Variants in TNIP3 observed in about 807,000 individuals in gnomAD.
TNIP3 encodes the protein TNFAIP3 interacting protein 3.
In TNIP3, 34 loss-of-function variants were observed where a neutral mutation model predicts 54.1. The observed-to-expected ratio is 0.63, with a 90% CI of 0.48 to 0.84. The LOEUF is 0.84. Among genes scored for constraint, TNIP3 ranks in the 40% least tolerant of loss-of-function variants. The probability of loss-of-function intolerance (pLI) is 0.00; values close to 1 mark genes in which losing one functional copy is unlikely to be tolerated. For synonymous variants in TNIP3, 134 were observed against 136.8 expected (o/e 0.98, Z 0.14); for missense variants, 366 against 387.6 (o/e 0.94, Z 0.47).
Position 121,147,189 on chromosome 4 carries a change from C to T in TNIP3, c.610-15G>A. On this transcript the variant is annotated splice_polypyrimidine_tract_variant and intron_variant, in intron 6 of 10. Coordinates refer to ENST00000057513, the MANE Select transcript of TNIP3 (RefSeq NM_024873.6). ...TATATTTGCACCTAAGAAATATTAG[C>T]TTGCTGTTACTGTAAGCTTCCTTTT... 2 of 1,600,084 alleles carry T rather than the reference C, an allele frequency of 1.2e-6. No homozygotes were observed. Among genetic ancestry groups the T allele is most frequent in the Non-Finnish European group, 1.7e-6 (2 of 1,175,238 alleles).
intron 10 of TNIP3, among the ~76,000 whole-genome samples, chr4:121,137,156 C>T (rs1441377391): frequency 6.6e-6 from 1 of 152,118 alleles, no homozygotes; most frequent in African/African-American, 2.4e-5. Context: ...TATGGTATTA[C>T]TAAATTCTGT....
intron 3 of TNIP3, among the ~76,000 whole-genome samples, chr4:121,180,546 G>T (rs1724632168): frequency 6.6e-6 from 1 of 152,234 alleles, no homozygotes; most frequent in African/African-American, 2.4e-5. Context: ...TATTAATGGT[G>T]TGATAGCAGA....
intron 2 of TNIP3, among the ~76,000 whole-genome samples, chr4:121,210,225 A>G (rs1449626831): frequency 1.3e-5 from 2 of 151,194 alleles, no homozygotes; most frequent in African/African-American, 4.9e-5. Flanking sequence ...AATGAATTAT[A>G]ATTTATAATA....
At chr4:121,225,967 A>G (rs1727238592) in intron 1 of TNIP3, among the ~76,000 whole-genome samples, 1 of 152,122 alleles carries the variant, frequency 6.6e-6, no homozygotes, top group African/African-American at 2.4e-5. Flanking sequence ...AAAAATTATT[A>G]TTTCTTCCTC....
chr4:121,135,233 A>G (rs1219903188), intron 10 of TNIP3, among the ~76,000 whole-genome samples: 1 of 152,218 alleles, frequency 6.6e-6, no homozygotes, highest in Non-Finnish European at 1.5e-5. Flanking sequence ...AACAGTTTCT[A>G]TGCTTGATTC....
intron 1 of TNIP3, among the ~76,000 whole-genome samples, chr4:121,221,652 C>G (rs982619993): frequency 2.6e-5 from 4 of 152,302 alleles, no homozygotes; most frequent in Non-Finnish European, 4.4e-5. Flanking sequence ...ACACACCACT[C>G]TCATTTACAG....
intron 3 of TNIP3, among the ~76,000 whole-genome samples, chr4:121,175,147 T>C (rs894661833): frequency 1.2e-4 from 18 of 152,344 alleles, no homozygotes; most frequent in African/African-American, 2.6e-4. Context: ...TGAGTTTACA[T>C]ATTTCTTAAC....
At chr4:121,153,715 T>A (rs1213252442) in intron 5 of TNIP3, among the ~76,000 whole-genome samples, 1 of 152,200 alleles carries the variant, frequency 6.6e-6, no homozygotes. Context: ...AAATAACATC[T>A]CTGAACACCA....
intron 2 of TNIP3, among the ~76,000 whole-genome samples, chr4:121,194,170 G>A (rs982858607): frequency 1.2e-4 from 19 of 152,014 alleles, no homozygotes; most frequent in Middle Eastern, 6.8e-3. Context: ...TTAAGGATAC[G>A]CATACTAAAT....
chr4:121,159,764 C>T (rs915425059), intron 2 of TNIP3, among the ~76,000 whole-genome samples: 2 of 152,194 alleles, frequency 1.3e-5, no homozygotes, highest in South Asian at 2.1e-4. Flanking sequence ...AATTAGAAGG[C>T]AGAAGAAGTG....
chr4:121,145,979 TAA>T (rs546016749), intron 7 of TNIP3, among the ~76,000 whole-genome samples: 3 of 137,404 alleles, frequency 2.2e-5, no homozygotes, highest in Non-Finnish European at 4.8e-5. Flanking sequence ...CACCATCTCA[TAA>T]AAAAAAAAAG....
At chr4:121,172,630 T>G (rs1318339525) in intron 3 of TNIP3, among the ~76,000 whole-genome samples, 2 of 152,216 alleles carry the variant, frequency 1.3e-5, no homozygotes, top group Non-Finnish European at 2.9e-5. Flanking sequence ...TATCTGAAAT[T>G]TAAACTTAGG....
At chr4:121,198,493 A>C (rs1010257995) in intron 2 of TNIP3, among the ~76,000 whole-genome samples, 5 of 152,198 alleles carry the variant, frequency 3.3e-5, no homozygotes, top group African/African-American at 1.2e-4. Flanking sequence ...ACAACTGAGC[A>C]CCTATTATGG....
chr4:121,161,062 CA>C (rs1730419201), intron 2 of TNIP3, 73 bp downstream of exon 2: 9 of 1,174,620 alleles, frequency 7.7e-6, no homozygotes, highest in Non-Finnish European at 1.1e-5. Flanking sequence ...ATAAAAGGCA[CA>C]AGGATAATAC....
intron 10 of TNIP3, among the ~76,000 whole-genome samples, chr4:121,136,857 GAA>G (rs11338982): frequency 2.1e-3 from 126 of 58,914 alleles, no homozygotes; most frequent in Middle Eastern, 0.011. Context: ...GACTGTCTCC[GAA>G]AAAAAAAAAA....
intron 5 of TNIP3, among the ~76,000 whole-genome samples, chr4:121,150,756 G>A (rs1308392557): frequency 6.6e-6 from 1 of 152,172 alleles, no homozygotes; most frequent in East Asian, 1.9e-4. Context: ...CCTCCAACAA[G>A]AGAGAGGGAC....
intron 2 of TNIP3, among the ~76,000 whole-genome samples, chr4:121,199,500 G>C (rs6847971): frequency 1.3e-5 from 2 of 152,230 alleles, no homozygotes; most frequent in Middle Eastern, 3.4e-3. Flanking sequence ...AGCAGGGATC[G>C]ATGAATGGGA....
At position 121,157,075 on chromosome 4, in the gene TNIP3, G is replaced by C. The variant is rs781442693; in HGVS notation, c.363+19C>G. 3.1e-6 allele frequency: 5 copies of C among 1,613,274 alleles called. No individual in the cohort carries two copies. In the East Asian group the frequency reaches 6.7e-5, roughly 22 times the overall value. On this transcript the variant is annotated intron_variant, in intron 4 of 10. Transcript: ENST00000057513. ...TTTTATTTGGATCCTCCGGGCTCGA[G>C]GACCCGGGCCCCGCCCACCTCCTCC...
chr4:121,222,966 C>T (rs4513592), intron 1 of TNIP3, among the ~76,000 whole-genome samples: 69,505 of 151,762 alleles, frequency 0.46, 17,145 homozygotes, highest in South Asian at 0.75. Context: ...CCACCACGCC[C>T]GCCTAATTTT....
Sources: gnomAD v4.1 joint callset for allele counts (sites outside exome capture counted in the v4.1 genomes callset) on GRCh38, gnomAD v4.1.1 for gene constraint, MANE v1.5 for transcripts, NCBI Gene and HGNC (gene_info 2026-07-23, HGNC 2026-07-21) for gene names.